The following MBNL2 variants were observed in gnomAD, a reference collection of about 807,000 sequenced individuals.
The protein encoded by MBNL2 is muscleblind-like protein 2.
In MBNL2, 17 loss-of-function variants were observed where a neutral mutation model predicts 41.9. The ratio of observed to expected loss-of-function variants is 0.41; its 90% CI spans 0.28 to 0.61. The LOEUF (loss-of-function observed/expected upper bound fraction) is 0.61, where lower values mean the gene tolerates loss of function less well. Among genes scored for constraint, MBNL2 ranks in the 20% least tolerant of loss-of-function variants. The probability of loss-of-function intolerance (pLI) is 0.35; values close to 1 mark genes in which losing one functional copy is unlikely to be tolerated. For missense variants in MBNL2, 336 were observed against 505.6 expected, an observed-to-expected ratio of 0.66 and a Z score of 3.22; for synonymous variants, 195 against 182.9, an observed-to-expected ratio of 1.07 and a Z score of -0.53.
chr13:97,197,345 G>A, the MBNL2 span, among the ~76,000 whole-genome samples: 4 of 152,110 alleles, frequency 2.6e-5, no homozygotes, highest in Admixed American at 1.3e-4. Context: ...TCATATTTTT[G>A]TGAGACTATC....
At chr13:97,329,024 A>G (rs965116252) in intron 2 of MBNL2, among the ~76,000 whole-genome samples, 8 of 152,204 alleles carry the variant, frequency 5.3e-5, no homozygotes, top group African/African-American at 1.9e-4. Context: ...TTTAATGGCT[A>G]TGTAATTCCA....
chr13:97,175,476 A>T, the MBNL2 span, among the ~76,000 whole-genome samples: 1 of 152,122 alleles, frequency 6.6e-6, no homozygotes, highest in Non-Finnish European at 1.5e-5. Flanking sequence ...TGCAAAGAGG[A>T]CCCCATCCTG....
intron 3 of MBNL2, among the ~76,000 whole-genome samples, chr13:97,338,015 C>A (rs150060060): frequency 1.5e-3 from 222 of 152,326 alleles, no homozygotes; most frequent in African/African-American, 5.2e-3. Flanking sequence ...TCAATATCCA[C>A]TCTTGCTTTA....
the MBNL2 span, among the ~76,000 whole-genome samples, chr13:97,213,537 C>T: frequency 2.0e-5 from 3 of 152,168 alleles, no homozygotes; most frequent in South Asian, 4.2e-4. Flanking sequence ...GTGATTTCAA[C>T]GGTTTCCAAA....
chr13:97,279,415 G>A (rs1021639879), intron 2 of MBNL2, among the ~76,000 whole-genome samples: 4 of 152,218 alleles, frequency 2.6e-5, no homozygotes, highest in African/African-American at 4.8e-5. Flanking sequence ...GTCCAGGACC[G>A]AACAAGTTAG....
intron 3 of MBNL2, among the ~76,000 whole-genome samples, chr13:97,339,883 C>A (rs115848502): frequency 3.1e-5 from 4 of 128,958 alleles, no homozygotes; most frequent in Admixed American, 2.4e-4. Flanking sequence ...GCGGGGGGGG[C>A]GTTGTTTTTC....
Position 97,346,877 on chromosome 13 carries a change from G to A in MBNL2, c.614G>A (p.Ser205Asn). 2 of 1,613,806 alleles carry A rather than the reference G, an allele frequency of 1.2e-6. No homozygotes were observed. Among genetic ancestry groups the A allele is most frequent in the South Asian group, 1.1e-5 (1 of 91,068 alleles). Residue 205 changes from serine (S) to asparagine (N), a missense_variant, in exon 5 of 9, where the codon AGC becomes AAC. By Grantham distance (46) the Ser-to-Asn change is conservative. Transcript: ENST00000679496. This position sits in a 1 kb window ranked among gnomAD's most constrained non-coding sequence, Gnocchi z 4.2. ...TDCRFAHPAD[S>N]TMIDTSDNTV... The stretch of plus-strand genomic sequence containing the variant: ...TGCCGCTTTGCACACCCCGCAGACA[G>A]CACCATGATCGACACAAGTGACAAC...
rs141173117 is a variant in MBNL2, at chr13:97,276,292, C to T, written c.57C>T (p.Cys19=). ...RDTKWLTLEV[C]RQFQRGTCSR... ...CAAAATGGCTGACATTAGAAGTCTG[C>T]AGACAGTTTCAAAGAGGAACATGCT... The change falls in exon 2 of 9, where the codon TGC becomes TGT. Residue 19 remains cysteine, a synonymous_variant. Coordinates refer to ENST00000679496, the MANE Select transcript of MBNL2 (RefSeq NM_001382683.1). The T allele has an allele frequency of 6.8e-5, 109 of 1,613,866 alleles. No individual in the cohort carries two copies. In the African/African-American group the frequency reaches 8.7e-4, roughly 13 times the overall value.
intron 2 of MBNL2, among the ~76,000 whole-genome samples, chr13:97,310,779 C>T (rs2058527532): frequency 8.6e-6 from 1 of 116,550 alleles, no homozygotes. Context: ...TGAAATTCAG[C>T]ATCTTTTTTT....
Position 97,357,655 on chromosome 13 carries a change from T to G in MBNL2, c.1012+20T>G, listed in dbSNP as rs150652145. 119 of 1,611,864 alleles carry G rather than the reference T, an allele frequency of 7.4e-5. No homozygotes were observed. In the African/African-American group the frequency reaches 1.5e-3, roughly 21 times the overall value. On this transcript the variant is annotated intron_variant, in intron 7 of 8. Transcript: ENST00000679496. ...CAACAGGTATGTGCCCTTACTGCCC[T>G]ACGTCCTGTGCCCTTCTGGTCATGT...
At chr13:97,202,165 C>G in the MBNL2 span, among the ~76,000 whole-genome samples, 4 of 152,090 alleles carry the variant, frequency 2.6e-5, no homozygotes, top group African/African-American at 9.7e-5. Flanking sequence ...GGATTTACTT[C>G]AAAATAACAT....
chr13:97,171,957 C>G, the MBNL2 span, among the ~76,000 whole-genome samples: 1 of 152,202 alleles, frequency 6.6e-6, no homozygotes, highest in African/African-American at 2.4e-5. Flanking sequence ...CTTTTGCCTT[C>G]CACCATGATT....
intron 1 of MBNL2, among the ~76,000 whole-genome samples, chr13:97,224,620 C>T (rs907078969): frequency 1.8e-5 from 2 of 114,180 alleles, no homozygotes; most frequent in Non-Finnish European, 3.4e-5. Flanking sequence ...GAGACCTTGA[C>T]CTTTTACCAA....
chr13:97,234,516 T>C (rs892807778), intron 1 of MBNL2, among the ~76,000 whole-genome samples: 13 of 151,948 alleles, frequency 8.6e-5, no homozygotes, highest in Non-Finnish European at 1.2e-4. Context: ...GGGTAGTGAA[T>C]AGATGAAGGT....
At chr13:97,345,535 TTAAAA>T (rs1444912485) in intron 4 of MBNL2, among the ~76,000 whole-genome samples, 1 of 152,212 alleles carries the variant, frequency 6.6e-6, no homozygotes, top group Admixed American at 6.5e-5. Flanking sequence ...TAAAGAATTT[TTAAAA>T]TAAACTATTT....
chr13:97,159,803 G>A, the MBNL2 span, among the ~76,000 whole-genome samples: 2 of 150,316 alleles, frequency 1.3e-5, no homozygotes, highest in Admixed American at 6.6e-5. Flanking sequence ...AGGGTAACCC[G>A]ACCTTTCTCT....
At chr13:97,291,047 G>T (rs1350376559) in intron 2 of MBNL2, among the ~76,000 whole-genome samples, 1 of 152,112 alleles carries the variant, frequency 6.6e-6, no homozygotes, top group Non-Finnish European at 1.5e-5. Flanking sequence ...TGAGTACAGG[G>T]ATGACAGGCT....
rs566738484 is a variant in MBNL2, at chr13:97,357,397, G to C, written c.859-85G>C. On this transcript the variant is annotated intron_variant, in intron 6 of 8. Transcript: ENST00000679496. The stretch of plus-strand genomic sequence containing the variant: ...TCTCCTTAGCTGTCATTTTTAAAAA[G>C]AATGTTGCAATTGATGATCTCTGTG... 4 of 1,150,506 alleles carry C rather than the reference G, an allele frequency of 3.5e-6. No individual in the cohort carries two copies. In the Admixed American group the frequency reaches 7.0e-5, roughly 20 times the overall value. The allele number at this position is 1,150,506 out of a possible 1,614,324, so 71.3% of individuals were successfully genotyped here.
chr13:97,253,473 C>G (rs191414075), intron 1 of MBNL2, among the ~76,000 whole-genome samples: 85 of 152,222 alleles, frequency 5.6e-4, no homozygotes, highest in Admixed American at 2.1e-3. Context: ...TTATACGCTC[C>G]TGAGTTAAAA....
Sources: gnomAD v4.1 joint callset for allele counts (sites outside exome capture counted in the v4.1 genomes callset) on GRCh38, gnomAD v4.1.1 for gene constraint, Gnocchi (gnomAD v3.1) non-coding constraint, MANE v1.5 for transcripts, NCBI Gene and HGNC (gene_info 2026-07-23, HGNC 2026-07-21) for gene names.